The following CLEC16A variants were observed in gnomAD, a reference collection of about 807,000 sequenced individuals.
CLEC16A encodes the protein C-type lectin domain containing 16A.
CLEC16A carries 51 observed loss-of-function variants against 109.5 expected under a neutral mutation model. That is an observed-to-expected ratio of 0.47 (90% CI 0.37 to 0.59). The LOEUF (loss-of-function observed/expected upper bound fraction) is 0.59, where lower values mean the gene tolerates loss of function less well. Among genes scored for constraint, CLEC16A ranks in the 20% least tolerant of loss-of-function variants. CLEC16A has a pLI of 0.00. For missense variants in CLEC16A, 1,339 were observed against 1,394.0 expected, an observed-to-expected ratio of 0.96 and a Z score of 0.63; for synonymous variants, 673 against 564.2, an observed-to-expected ratio of 1.19 and a Z score of -2.73.
chr16:10,962,712 G>T, intron 3 of CLEC16A, 124 bp downstream of exon 3: 1 of 1,015,078 alleles, frequency 9.9e-7, no homozygotes, highest in Non-Finnish European at 1.5e-6. Context: ...AAATACCATA[G>T]ACTGAGTGGG....
In CLEC16A at chr16:11,047,350, A is replaced by AG; in HGVS notation, c.1866+12dup. ...GAGTATAGGAGCATGACAGTAAGTG[A>AG]GGGGCTGGGACACACTTGGGCTGGT... On this transcript the variant is annotated intron_variant, in intron 17 of 23. Transcript: ENST00000409790. The AG allele has an allele frequency of 2.5e-6, 4 of 1,605,384 alleles. No homozygotes were observed. The highest frequency in any genetic ancestry group is 2.6e-6 in the Non-Finnish European group (3 of 1,175,888).
At chr16:11,007,918 A>G (rs891499830) in intron 11 of CLEC16A, among the ~76,000 whole-genome samples, 4 of 152,148 alleles carry the variant, frequency 2.6e-5, no homozygotes, top group Admixed American at 6.5e-5. Context: ...GATGGGCTTA[A>G]CTGGGATAAG....
chr16:11,137,223 T>C (rs1389043727), intron 22 of CLEC16A, among the ~76,000 whole-genome samples: 2 of 152,146 alleles, frequency 1.3e-5, no homozygotes, highest in African/African-American at 4.8e-5. Flanking sequence ...ATTTGTTTTA[T>C]CAACCGCAAG....
chr16:10,963,968 G>C (rs556763576), intron 3 of CLEC16A, among the ~76,000 whole-genome samples: 1 of 152,226 alleles, frequency 6.6e-6, no homozygotes, highest in African/African-American at 2.4e-5. Flanking sequence ...AATCCTCCAC[G>C]CTAGACTGCT....
intron 19 of CLEC16A, among the ~76,000 whole-genome samples, chr16:11,076,009 C>G (rs527918685): frequency 6.6e-6 from 1 of 152,302 alleles, no homozygotes; most frequent in Admixed American, 6.5e-5. Flanking sequence ...ATCCTGCCAG[C>G]TTAAGCATCA....
chr16:11,026,450 A>G (rs1182463301), intron 13 of CLEC16A, among the ~76,000 whole-genome samples: 3 of 152,064 alleles, frequency 2.0e-5, no homozygotes, highest in Admixed American at 2.0e-4. Context: ...CATAAACTTT[A>G]TGTTTTTCCT....
chr16:11,005,370 T>C (rs1055665476), intron 11 of CLEC16A, among the ~76,000 whole-genome samples: 4 of 152,162 alleles, frequency 2.6e-5, no homozygotes, highest in Non-Finnish European at 4.4e-5. Flanking sequence ...AAAAGCCTGT[T>C]TTCCAGGTGG....
At chr16:10,997,887 AT>A (rs2044423679) in intron 10 of CLEC16A, among the ~76,000 whole-genome samples, 1 of 152,290 alleles carries the variant, frequency 6.6e-6, no homozygotes, top group South Asian at 2.1e-4. Context: ...TTGTTGATTG[AT>A]TGCAACTTGC....
At chr16:11,001,844 G>A (rs1055378550) in intron 10 of CLEC16A, among the ~76,000 whole-genome samples, 2 of 152,122 alleles carry the variant, frequency 1.3e-5, no homozygotes, top group African/African-American at 2.4e-5. Context: ...TGTCCTCTGG[G>A]GCGAGCTGAT....
At chr16:11,120,131 A>C (rs1353685394) in intron 19 of CLEC16A, among the ~76,000 whole-genome samples, 1 of 152,122 alleles carries the variant, frequency 6.6e-6, no homozygotes, top group African/African-American at 2.4e-5. Context: ...CACCACACCC[A>C]GCTAATCTTT....
At chr16:11,037,227 C>T (rs1242384196) in intron 13 of CLEC16A, among the ~76,000 whole-genome samples, 1 of 152,200 alleles carries the variant, frequency 6.6e-6, no homozygotes, top group Non-Finnish European at 1.5e-5. Flanking sequence ...GGACGGGCCC[C>T]CTGTGTGCTC....
chr16:11,029,800 A>T (rs1273370175), intron 13 of CLEC16A, among the ~76,000 whole-genome samples: 1 of 152,226 alleles, frequency 6.6e-6, no homozygotes, highest in African/African-American at 2.4e-5. Flanking sequence ...ATATTTTGAC[A>T]TATGTAAATA....
At chr16:11,167,015 C>T (rs962870529) in intron 23 of CLEC16A, among the ~76,000 whole-genome samples, 26 of 152,160 alleles carry the variant, frequency 1.7e-4, no homozygotes, top group Admixed American at 1.7e-3. Flanking sequence ...CGCACTTTGC[C>T]ACTCTTTGGT....
intron 18 of CLEC16A, among the ~76,000 whole-genome samples, chr16:11,059,550 G>A (rs544614010): frequency 4.3e-4 from 65 of 152,290 alleles, no homozygotes; most frequent in Non-Finnish European, 4.4e-4. Context: ...GGCAGTGTGA[G>A]TGCACCTCTT....
chr16:11,140,254 A>T (rs2053761036), intron 22 of CLEC16A, among the ~76,000 whole-genome samples: 1 of 152,172 alleles, frequency 6.6e-6, no homozygotes, highest in African/African-American at 2.4e-5. Context: ...GGCACACTCC[A>T]GCCTCCTGGC....
In CLEC16A at chr16:11,126,603, C is replaced by T. The variant is rs186278362; in HGVS notation, c.2641+457C>T. On this transcript the variant is annotated intron_variant, in intron 22 of 23. Coordinates refer to ENST00000409790, the MANE Select transcript of CLEC16A (RefSeq NM_015226.3). Reference sequence around the variant, plus strand: ...GCTGTCCACTCCTTCCATATGAGGGCGTCTCCTCCCACTTTTGCCACAGCT... The same window carrying T: ...GCTGTCCACTCCTTCCATATGAGGGTGTCTCCTCCCACTTTTGCCACAGCT... 5.2e-5 allele frequency: 16 copies of T among 308,302 alleles called. No individual in the cohort carries two copies. In the Admixed American group the frequency reaches 7.8e-4, roughly 15 times the overall value. The allele number at this position is 308,302 out of a possible 1,614,324, so 19.1% of individuals were successfully genotyped here.
In CLEC16A at chr16:11,020,171, C is replaced by A. The variant is rs199544900; in HGVS notation, c.1304-22C>A. The A allele has an allele frequency of 1.9e-6, 3 of 1,601,706 alleles. No homozygotes were observed. In the African/African-American group the frequency reaches 4.0e-5, roughly 21 times the overall value. ...GCTGAAAAGCTGTCTGGACTCATCC[C>A]AGTCTCCATTTTGGCTTCCAGAGAT... On this transcript the variant is annotated intron_variant, in intron 11 of 23. Transcript: ENST00000409790.
At chr16:11,127,482 A>T (rs1360653849) in intron 22 of CLEC16A, among the ~76,000 whole-genome samples, 1 of 152,168 alleles carries the variant, frequency 6.6e-6, no homozygotes, top group Admixed American at 6.5e-5. Flanking sequence ...GAAGGTTTTT[A>T]ATCTTGATAT....
At chr16:10,965,373 G>A (rs1383373290) in intron 3 of CLEC16A, among the ~76,000 whole-genome samples, 1 of 152,120 alleles carries the variant, frequency 6.6e-6, no homozygotes, top group Non-Finnish European at 1.5e-5. Context: ...GTTAAATAAC[G>A]AAAAGCCAAA....
Sources: allele counts gnomAD v4.1 joint callset (sites outside exome capture counted in the v4.1 genomes callset), GRCh38; gene constraint gnomAD v4.1.1; transcripts MANE v1.5; gene names NCBI Gene and HGNC (gene_info 2026-07-23, HGNC 2026-07-21).